The following FBXL13 variants were observed in gnomAD, a reference collection of about 807,000 sequenced individuals.
The protein encoded by FBXL13 is F-box and leucine rich repeat protein 13, also known as F-box and leucine-rich repeat protein 13.
A neutral mutation model predicts 83.6 loss-of-function variants in FBXL13; 67 were observed. The observed-to-expected ratio is 0.80, with a 90% CI of 0.66 to 0.98. The LOEUF (loss-of-function observed/expected upper bound fraction) is 0.98. Among genes scored for constraint, FBXL13 ranks in the 50% least tolerant of loss-of-function variants. FBXL13 has a pLI of 0.00. For synonymous variants in FBXL13, 272 were observed against 299.5 expected (o/e 0.91, Z 0.95); for missense variants, 822 against 866.5 (o/e 0.95, Z 0.64).
At chr7:102,973,785 G>T in intron 6 of FBXL13, 1 of 756,934 alleles carries the variant, frequency 1.3e-6, no homozygotes, top group Non-Finnish European at 2.4e-6. Flanking sequence ...AGTTTCCCGG[G>T]AGCCCGGTTA....
At chr7:102,831,427 A>AC (rs1259726114) in intron 18 of FBXL13, among the ~76,000 whole-genome samples, 1 of 150,582 alleles carries the variant, frequency 6.6e-6, no homozygotes, top group African/African-American at 2.5e-5. Context: ...ACACACACAC[A>AC]CACACCCCAC....
chr7:102,887,077 T>C (rs1305423694), intron 11 of FBXL13, among the ~76,000 whole-genome samples: 1 of 152,208 alleles, frequency 6.6e-6, no homozygotes, highest in African/African-American at 2.4e-5. Context: ...TGGGGTGCAA[T>C]ACAGTTACAA....
At chr7:103,031,324 A>C (rs1794491298) in intron 2 of FBXL13, 1 of 152,242 alleles carries the variant, frequency 6.6e-6, no homozygotes, top group Non-Finnish European at 1.5e-5. Context: ...ACTGCTTCTG[A>C]CTGAAAAATA....
chr7:102,998,698 G>A (rs961766333), intron 6 of FBXL13, among the ~76,000 whole-genome samples: 6 of 152,064 alleles, frequency 3.9e-5, no homozygotes, highest in African/African-American at 1.4e-4. Context: ...TGGGCGCAGT[G>A]GCTCCTGCCT....
At chr7:102,909,456 A>G (rs1814300392) in intron 11 of FBXL13, among the ~76,000 whole-genome samples, 1 of 152,066 alleles carries the variant, frequency 6.6e-6, no homozygotes, top group African/African-American at 2.4e-5. Flanking sequence ...CGCAAGCAAG[A>G]GTTTTGCCCC....
intron 10 of FBXL13, among the ~76,000 whole-genome samples, chr7:102,925,982 T>A (rs1043680184): frequency 1.4e-5 from 2 of 147,378 alleles, no homozygotes; most frequent in African/African-American, 2.5e-5. Flanking sequence ...CAGACTGGAA[T>A]GTAAGGGCCA....
At chr7:103,056,150 T>C (rs974811343) in intron 1 of FBXL13, among the ~76,000 whole-genome samples, 4 of 152,200 alleles carry the variant, frequency 2.6e-5, no homozygotes, top group Non-Finnish European at 4.4e-5. Context: ...TGGTCTCCAG[T>C]TCCATCCAGG....
rs546352711 is a variant in FBXL13, at chr7:103,034,489, G to A, written c.1-5071C>T. ...CCGGGGCCAGTGGGGCCGGCTGGCC[G>A]CTCTGAGTGCGGGGTCCGCTGAGCC... On this transcript the variant is annotated intron_variant, in intron 2 of 19. Coordinates refer to ENST00000313221, the Ensembl canonical transcript of FBXL13. Among the ~76,000 whole-genome samples, 527 of 152,338 alleles carry A rather than the reference G, an allele frequency of 3.5e-3. 6 individuals carry two copies. Among genetic ancestry groups the A allele is most frequent in the South Asian group, 0.02 (99 of 4,832 alleles).
intron 6 of FBXL13, among the ~76,000 whole-genome samples, chr7:102,984,596 T>C (rs7777217): frequency 0.19 from 28,668 of 152,156 alleles, 2,963 homozygotes; most frequent in African/African-American, 0.27. Context: ...GCTTATATGA[T>C]GTTTTATTTA....
exon 13 of FBXL13, chr7:102,883,631 G>A: frequency 6.2e-7 from 1 of 1,612,680 alleles, no homozygotes; most frequent in Non-Finnish European, 8.5e-7. Flanking sequence ...TCGGAGATAT[G>A]CGGTGCACCA....
intron 6 of FBXL13, among the ~76,000 whole-genome samples, chr7:102,972,304 A>G (rs577421178): frequency 6.6e-6 from 1 of 152,352 alleles, no homozygotes; most frequent in South Asian, 2.1e-4. Context: ...ATCAAGAGTT[A>G]GTGTTCTAAA....
intron 2 of FBXL13, among the ~76,000 whole-genome samples, chr7:103,047,588 A>G (rs1454803336): frequency 6.6e-6 from 1 of 152,248 alleles, no homozygotes; most frequent in East Asian, 1.9e-4. Context: ...AGTTCTATAC[A>G]AGGAAGTTTG....
intron 16 of FBXL13, among the ~76,000 whole-genome samples, chr7:102,871,691 C>A (rs1808560263): frequency 6.6e-6 from 1 of 152,142 alleles, no homozygotes; most frequent in Admixed American, 6.5e-5. Context: ...CCACACCTGG[C>A]CAATTTTTAA....
chr7:103,014,979 A>G (rs1792110907), intron 6 of FBXL13, among the ~76,000 whole-genome samples: 1 of 151,708 alleles, frequency 6.6e-6, no homozygotes, highest in African/African-American at 2.4e-5. Flanking sequence ...CCAGCAGCAC[A>G]TCAAAAAGCT....
chr7:102,859,915 T>A (rs1279904637), intron 16 of FBXL13, among the ~76,000 whole-genome samples: 1 of 152,164 alleles, frequency 6.6e-6, no homozygotes, highest in African/African-American at 2.4e-5. Flanking sequence ...TGCATGAGAA[T>A]GTGAGGCACC....
intron 17 of FBXL13, among the ~76,000 whole-genome samples, chr7:102,843,166 G>T (rs550068973): frequency 6.6e-6 from 1 of 152,178 alleles, no homozygotes; most frequent in Admixed American, 6.5e-5. Context: ...GTGGTAGGCC[G>T]GGCATGGTGG....
chr7:102,999,797 T>C (rs903441646), intron 6 of FBXL13, among the ~76,000 whole-genome samples: 4 of 152,184 alleles, frequency 2.6e-5, no homozygotes, highest in Admixed American at 6.5e-5. Flanking sequence ...GTCTTCTTTT[T>C]TTCTTAGTCT....
chr7:103,054,392 A>G (rs905828395), intron 2 of FBXL13, among the ~76,000 whole-genome samples: 4 of 136,318 alleles, frequency 2.9e-5, no homozygotes, highest in African/African-American at 6.5e-5. Flanking sequence ...TCCGTCTGGA[A>G]AAAAAAAAAA....
intron 6 of FBXL13, among the ~76,000 whole-genome samples, chr7:102,975,738 C>G (rs1172934624): frequency 6.6e-6 from 1 of 152,250 alleles, no homozygotes; most frequent in Admixed American, 6.5e-5. Context: ...AATCCACCCC[C>G]AATATTCAGC....
Sources: allele counts gnomAD v4.1 joint callset (sites outside exome capture counted in the v4.1 genomes callset), GRCh38; gene constraint gnomAD v4.1.1; transcripts MANE v1.5; gene names NCBI Gene and HGNC (gene_info 2026-07-23, HGNC 2026-07-21).